Variants in CLSTN2 observed in about 807,000 individuals in gnomAD.
CLSTN2 encodes calsyntenin 2.
Under a neutral mutation model 101.2 loss-of-function variants are expected in CLSTN2, and 48 were observed. The observed-to-expected ratio is 0.47, with a 90% CI of 0.38 to 0.60. CLSTN2 has a LOEUF of 0.60. Among genes scored for constraint, CLSTN2 ranks in the 20% least tolerant of loss-of-function variants. The pLI, the probability that CLSTN2 is intolerant of heterozygous loss-of-function variation, is 0.00. For synonymous variants in CLSTN2, 481 were observed against 463.6 expected, an observed-to-expected ratio of 1.04 and a Z score of -0.48; for missense variants, 1,160 against 1,238.2, an observed-to-expected ratio of 0.94 and a Z score of 0.95.
chr3:140,437,275 C>T (rs924939273), intron 5 of CLSTN2, among the ~76,000 whole-genome samples: 9 of 152,064 alleles, frequency 5.9e-5, no homozygotes, highest in Admixed American at 4.6e-4. Flanking sequence ...GTCTTGATCT[C>T]CTGACCTCAC....
chr3:140,384,410 G>A (rs906138358), intron 2 of CLSTN2, among the ~76,000 whole-genome samples: 1 of 152,106 alleles, frequency 6.6e-6, no homozygotes, highest in Admixed American at 6.5e-5. Flanking sequence ...CTTCCCCTCC[G>A]AGTTTGATTT....
chr3:140,202,828 A>G (rs1373419472), intron 2 of CLSTN2, among the ~76,000 whole-genome samples: 1 of 152,174 alleles, frequency 6.6e-6, no homozygotes, highest in Non-Finnish European at 1.5e-5. Context: ...TGAGATGCCC[A>G]CCCAACAGGT....
chr3:140,143,880 GC>G (rs1384375268), intron 1 of CLSTN2, among the ~76,000 whole-genome samples: 1 of 152,238 alleles, frequency 6.6e-6, no homozygotes, highest in African/African-American at 2.4e-5. Flanking sequence ...CTCACAAAGT[GC>G]CTTTGTGCTG....
intron 2 of CLSTN2, among the ~76,000 whole-genome samples, chr3:140,220,233 A>C (rs1311550985): frequency 3.9e-5 from 6 of 152,224 alleles, no homozygotes; most frequent in African/African-American, 1.4e-4. Context: ...TTTTCTGCTC[A>C]CAGTGCCTCC....
intron 2 of CLSTN2, among the ~76,000 whole-genome samples, chr3:140,198,372 A>T (rs2010672042): frequency 6.6e-6 from 1 of 152,194 alleles, no homozygotes. Context: ...TTTTGTGCAT[A>T]GGAGACTGGG....
At chr3:140,473,430 T>C (rs1228259361) in intron 8 of CLSTN2, among the ~76,000 whole-genome samples, 1 of 152,158 alleles carries the variant, frequency 6.6e-6, no homozygotes, top group Admixed American at 6.5e-5. Flanking sequence ...TTAAGGGTCT[T>C]GAGATGGAGA....
chr3:140,084,963 T>C (rs916159456), intron 1 of CLSTN2, among the ~76,000 whole-genome samples: 5 of 152,236 alleles, frequency 3.3e-5, no homozygotes, highest in African/African-American at 1.2e-4. Context: ...AAATGTGGTG[T>C]ACCCACAGCA....
rs376084850 is a variant in CLSTN2, at chr3:140,404,735, C to G, written c.606C>G (p.Thr202=). The change falls in exon 4 of 17, where the codon ACC becomes ACG. Residue 202 remains threonine (T), a synonymous_variant. Transcript: ENST00000458420. The part of the protein sequence containing the change: ...YSQICNYEIV[T]TDVPFAIDRN... ...AGATCTGCAACTATGAAATCGTCAC[C>G]ACAGATGTGCCTTTTGCCATCGACA... The G allele has an allele frequency of 6.2e-7, 1 of 1,614,056 alleles. No homozygotes were observed. Among genetic ancestry groups the G allele is most frequent in the African/African-American group, 1.3e-5 (1 of 74,924 alleles).
intron 1 of CLSTN2, among the ~76,000 whole-genome samples, chr3:139,994,687 G>T (rs1284724158): frequency 6.6e-6 from 1 of 152,094 alleles, no homozygotes; most frequent in Admixed American, 6.6e-5. Flanking sequence ...CCTGTTTAAT[G>T]CTTGCATGAC....
At chr3:140,018,121 T>G (rs1242911808) in intron 1 of CLSTN2, among the ~76,000 whole-genome samples, 1 of 152,238 alleles carries the variant, frequency 6.6e-6, no homozygotes, top group East Asian at 1.9e-4. Context: ...TCTCCACATT[T>G]TAAAAGAAAA....
At chr3:140,084,140 T>C (rs2008642398) in intron 1 of CLSTN2, among the ~76,000 whole-genome samples, 1 of 152,182 alleles carries the variant, frequency 6.6e-6, no homozygotes, top group Admixed American at 6.5e-5. Flanking sequence ...ATCAGCATAT[T>C]GGTGTTCTCC....
At chr3:140,130,274 C>G (rs528739516) in intron 1 of CLSTN2, among the ~76,000 whole-genome samples, 2 of 152,300 alleles carry the variant, frequency 1.3e-5, no homozygotes, top group East Asian at 3.9e-4. Flanking sequence ...GTAGCAAACT[C>G]AGTGGTGGCA....
At chr3:140,148,050 G>A (rs2009808739) in intron 1 of CLSTN2, among the ~76,000 whole-genome samples, 1 of 152,228 alleles carries the variant, frequency 6.6e-6, no homozygotes, top group Non-Finnish European at 1.5e-5. Flanking sequence ...CTAAATGGCT[G>A]AAATGGAAAG....
intron 5 of CLSTN2, among the ~76,000 whole-genome samples, chr3:140,431,185 T>C (rs2088624736): frequency 6.6e-6 from 1 of 152,204 alleles, no homozygotes; most frequent in South Asian, 2.1e-4. Context: ...ATTTCCTTGA[T>C]TGAACCAGGT....
intron 6 of CLSTN2, among the ~76,000 whole-genome samples, chr3:140,456,766 G>A (rs928995169): frequency 2.0e-5 from 3 of 151,760 alleles, no homozygotes; most frequent in Non-Finnish European, 4.4e-5. Context: ...TAGCCTGGGC[G>A]AGAGCAAGAG....
intron 2 of CLSTN2, among the ~76,000 whole-genome samples, chr3:140,269,973 A>G (rs951992876): frequency 2.6e-5 from 4 of 152,164 alleles, no homozygotes; most frequent in African/African-American, 9.6e-5. Flanking sequence ...GAGAAAGAAA[A>G]CAAGAAAGAG....
chr3:140,031,055 G>T (rs2007536504), intron 1 of CLSTN2, among the ~76,000 whole-genome samples: 1 of 152,158 alleles, frequency 6.6e-6, no homozygotes, highest in Admixed American at 6.5e-5. Flanking sequence ...ACAAAGCCAT[G>T]GCCAAAGGCT....
chr3:140,171,452 T>C (rs2010211392), intron 1 of CLSTN2, among the ~76,000 whole-genome samples: 1 of 151,538 alleles, frequency 6.6e-6, no homozygotes, highest in African/African-American at 2.4e-5. Context: ...AGTCTGCCAC[T>C]GCTCCTGGAA....
intron 5 of CLSTN2, among the ~76,000 whole-genome samples, chr3:140,427,184 A>AATAT (rs1177459069): frequency 2.1e-5 from 2 of 94,200 alleles, no homozygotes; most frequent in Non-Finnish European, 3.5e-5. Context: ...AAAAAAAAAA[A>AATAT]ATATATATAT....
Sources: gnomAD v4.1 joint callset for allele counts (sites outside exome capture counted in the v4.1 genomes callset) on GRCh38, gnomAD v4.1.1 for gene constraint, MANE v1.5 for transcripts, NCBI Gene and HGNC (gene_info 2026-07-23, HGNC 2026-07-21) for gene names.